Variants in STIM1 observed in about 807,000 individuals in gnomAD.
STIM1 encodes stromal interaction molecule 1.
Under a neutral mutation model 74.7 loss-of-function variants are expected in STIM1, and 25 were observed. That is an observed-to-expected ratio of 0.33 (90% CI 0.24 to 0.47). The LOEUF is 0.47. Ranked by LOEUF, STIM1 falls within the 20% of genes least tolerant of loss-of-function variation. The pLI, the probability that STIM1 is intolerant of heterozygous loss-of-function variation, is 1.00. For missense variants in STIM1, 728 were observed against 920.8 expected, an observed-to-expected ratio of 0.79 and a Z score of 2.71; for synonymous variants, 328 against 348.8, an observed-to-expected ratio of 0.94 and a Z score of 0.66.
At chr11:3,882,233 G>A (rs952246227) in intron 1 of STIM1, among the ~76,000 whole-genome samples, 2 of 151,368 alleles carry the variant, frequency 1.3e-5, no homozygotes, top group African/African-American at 4.9e-5. Context: ...CCGAGTAGCT[G>A]GGATTACAGG....
intron 1 of STIM1, among the ~76,000 whole-genome samples, chr11:3,956,289 G>A (rs1277424335): frequency 6.6e-6 from 1 of 152,190 alleles, no homozygotes; most frequent in South Asian, 2.1e-4. Context: ...TGCAGGATAA[G>A]AGTTGGAATA....
intron 1 of STIM1, among the ~76,000 whole-genome samples, chr11:3,948,004 G>C (rs1339974459): frequency 2.0e-5 from 3 of 152,100 alleles, no homozygotes; most frequent in Non-Finnish European, 1.5e-5. Flanking sequence ...TGTGGAGAAA[G>C]CAAAAAGACA....
chr11:4,085,580 T>C (rs2094489126), intron 11 of STIM1, among the ~76,000 whole-genome samples: 1 of 152,242 alleles, frequency 6.6e-6, no homozygotes, highest in Admixed American at 6.5e-5. Flanking sequence ...GCATCCATAG[T>C]CCCACCATAT....
intron 3 of STIM1, among the ~76,000 whole-genome samples, chr11:4,031,831 G>A (rs555300724): frequency 2.6e-5 from 4 of 152,298 alleles, no homozygotes; most frequent in African/African-American, 9.6e-5. Context: ...TGTCCTATCA[G>A]TCTTTTAACA....
intron 1 of STIM1, among the ~76,000 whole-genome samples, chr11:3,877,752 G>A (rs1351030111): frequency 6.6e-6 from 1 of 152,148 alleles, no homozygotes; most frequent in Non-Finnish European, 1.5e-5. Context: ...GTTGCAGCAG[G>A]TTTGCCTGCC....
At chr11:3,945,745 T>C (rs2093064460) in intron 1 of STIM1, among the ~76,000 whole-genome samples, 1 of 152,228 alleles carries the variant, frequency 6.6e-6, no homozygotes, top group African/African-American at 2.4e-5. Flanking sequence ...CTTGCATTGT[T>C]ATAAAGAAAT....
intron 2 of STIM1, among the ~76,000 whole-genome samples, chr11:3,991,950 CAAAAAAAAAAAAAAAAAA>C (rs1230185435): frequency 5.4e-5 from 2 of 36,702 alleles, no homozygotes; most frequent in Non-Finnish European, 8.8e-5. Context: ...AACTCCATCT[CAAAAAAAAAAAAAAAAAA>C]AAAAGAAAAA....
chr11:3,960,902 A>G (rs2093278160), intron 1 of STIM1, among the ~76,000 whole-genome samples: 1 of 152,190 alleles, frequency 6.6e-6, no homozygotes, highest in Non-Finnish European at 1.5e-5. Context: ...CCATAAAAAT[A>G]TTATTTACAT....
At chr11:3,931,979 G>A (rs924717894) in intron 1 of STIM1, among the ~76,000 whole-genome samples, 4 of 152,188 alleles carry the variant, frequency 2.6e-5, no homozygotes, top group African/African-American at 9.7e-5. Flanking sequence ...AAGTGAAAAT[G>A]CTATGTAAAT....
chr11:4,059,854 A>G (rs1460928142), intron 5 of STIM1, among the ~76,000 whole-genome samples: 1 of 152,234 alleles, frequency 6.6e-6, no homozygotes, highest in Non-Finnish European at 1.5e-5. Context: ...GCAAGAGTAC[A>G]AAAGCTAAAA....
intron 1 of STIM1, among the ~76,000 whole-genome samples, chr11:3,891,126 G>A (rs2091881359): frequency 6.6e-6 from 1 of 152,108 alleles, no homozygotes; most frequent in Non-Finnish European, 1.5e-5. Context: ...AATTCTCACA[G>A]CAGTCAATGA....
intron 3 of STIM1, among the ~76,000 whole-genome samples, chr11:4,029,943 T>C (rs894958680): frequency 6.6e-6 from 1 of 152,216 alleles, no homozygotes; most frequent in Non-Finnish European, 1.5e-5. Flanking sequence ...GGTTTTGTTA[T>C]ACATGCTTTT....
At chr11:4,087,641 G>A (rs1238368477) in intron 12 of STIM1, among the ~76,000 whole-genome samples, 1 of 152,018 alleles carries the variant, frequency 6.6e-6, no homozygotes, top group Non-Finnish European at 1.5e-5. Context: ...AGTCACATTT[G>A]CATTTTAGAA....
intron 1 of STIM1, among the ~76,000 whole-genome samples, chr11:3,941,673 T>TATATATAGAGAG (rs141623520): frequency 2.7e-3 from 245 of 90,714 alleles, no homozygotes; most frequent in South Asian, 7.7e-3. Context: ...TATATATATA[T>TATATATAGAGAG]AGAGAGAGAG....
intron 9 of STIM1, 36 bp downstream of exon 9, chr11:4,083,018 A>C: frequency 6.4e-7 from 1 of 1,573,506 alleles, no homozygotes; most frequent in Middle Eastern, 1.7e-4. Context: ...GGCAATGTCC[A>C]TATCATCCTC....
At chr11:3,891,373 T>C (rs1419430908) in intron 1 of STIM1, among the ~76,000 whole-genome samples, 1 of 152,136 alleles carries the variant, frequency 6.6e-6, no homozygotes, top group Admixed American at 6.5e-5. Flanking sequence ...CACTGCAACC[T>C]CTGCCTCCTG....
chr11:3,954,008 C>T (rs577067297), intron 1 of STIM1, among the ~76,000 whole-genome samples: 3 of 152,056 alleles, frequency 2.0e-5, no homozygotes, highest in South Asian at 4.1e-4. Flanking sequence ...GTCTTGAACT[C>T]CCAGGCTCAG....
chr11:3,885,437 T>G (rs994540340), intron 1 of STIM1, among the ~76,000 whole-genome samples: 1 of 152,198 alleles, frequency 6.6e-6, no homozygotes, highest in Admixed American at 6.5e-5. Context: ...TCTGCCTGCC[T>G]TGGCCTCCCA....
intron 3 of STIM1, among the ~76,000 whole-genome samples, chr11:4,053,124 C>T (rs2094257387): frequency 6.6e-6 from 1 of 152,252 alleles, no homozygotes; most frequent in South Asian, 2.1e-4. Context: ...CCCTTTTACA[C>T]TGTTGGTGGG....
Sources: gnomAD v4.1 joint callset for allele counts (sites outside exome capture counted in the v4.1 genomes callset) on GRCh38, gnomAD v4.1.1 for gene constraint, MANE v1.5 for transcripts, NCBI Gene and HGNC (gene_info 2026-07-23, HGNC 2026-07-21) for gene names.